GALNT13: variants seen among roughly 807,000 people sequenced by gnomAD.
The protein encoded by GALNT13 is polypeptide N-acetylgalactosaminyltransferase 13.
A neutral mutation model predicts 64.2 loss-of-function variants in GALNT13; 28 were observed. That is an observed-to-expected ratio of 0.44 (90% CI 0.32 to 0.60). GALNT13 has a LOEUF of 0.60. GALNT13 is among the 20% of genes least tolerant of loss of function. GALNT13 has a pLI of 0.05. For missense variants in GALNT13, 577 were observed against 669.8 expected (o/e 0.86, Z 1.53); for synonymous variants, 214 against 224.6 (o/e 0.95, Z 0.42).
intron 3 of GALNT13, among the ~76,000 whole-genome samples, chr2:153,985,257 C>T (rs1157708212): frequency 1.3e-5 from 2 of 152,094 alleles, no homozygotes; most frequent in African/African-American, 4.8e-5. Flanking sequence ...AAGAAAAAGA[C>T]CCTTACATCC....
chr2:153,407,919 A>G, the GALNT13 span, among the ~76,000 whole-genome samples: 2 of 152,162 alleles, frequency 1.3e-5, no homozygotes, highest in Non-Finnish European at 2.9e-5. Flanking sequence ...TACTCATACC[A>G]CAAGAATGGA....
intron 4 of GALNT13, among the ~76,000 whole-genome samples, chr2:154,162,951 C>CT (rs932377985): frequency 4.1e-5 from 6 of 147,692 alleles, no homozygotes; most frequent in Admixed American, 6.7e-5. Context: ...AACCCACATT[C>CT]TTTTTTTTTA....
chr2:153,675,555 G>C, the GALNT13 span, among the ~76,000 whole-genome samples: 5 of 152,102 alleles, frequency 3.3e-5, no homozygotes, highest in African/African-American at 1.2e-4. Context: ...CAGGTGGGGG[G>C]CTGGGGGAGG....
chr2:154,300,338 C>T (rs1007402682), intron 8 of GALNT13, among the ~76,000 whole-genome samples: 1 of 151,794 alleles, frequency 6.6e-6, no homozygotes, highest in Admixed American at 6.6e-5. Context: ...CCTGACCTCA[C>T]ATGATCTGCC....
intron 4 of GALNT13, among the ~76,000 whole-genome samples, chr2:154,153,528 C>T (rs535374209): frequency 4.6e-4 from 70 of 152,228 alleles, no homozygotes; most frequent in Non-Finnish European, 7.1e-4. Context: ...TGCCCAGCCC[C>T]CAGAGGTGGA....
chr2:153,739,585 T>TCA, the GALNT13 span, among the ~76,000 whole-genome samples: 30 of 119,466 alleles, frequency 2.5e-4, no homozygotes, highest in East Asian at 1.6e-3. Context: ...TATTCATTAT[T>TCA]TTATTTATTT....
At chr2:154,443,318 C>T (rs1416135825) in intron 12 of GALNT13, among the ~76,000 whole-genome samples, 1 of 152,038 alleles carries the variant, frequency 6.6e-6, no homozygotes. Context: ...TTCTGTTCGA[C>T]TGAATGCGTA....
the GALNT13 span, among the ~76,000 whole-genome samples, chr2:153,260,690 A>G: frequency 6.6e-6 from 1 of 152,088 alleles, no homozygotes; most frequent in Admixed American, 6.5e-5. Flanking sequence ...TTTGGGTTGA[A>G]TGTGCTTGGT....
chr2:154,111,261 C>T (rs188174463), intron 3 of GALNT13, among the ~76,000 whole-genome samples: 4 of 152,166 alleles, frequency 2.6e-5, no homozygotes, highest in African/African-American at 9.7e-5. Context: ...GGGTCTGGGA[C>T]ATTTGTAGTC....
intron 9 of GALNT13, among the ~76,000 whole-genome samples, chr2:154,363,863 G>T (rs1222252710): frequency 6.6e-6 from 1 of 152,140 alleles, no homozygotes; most frequent in Non-Finnish European, 1.5e-5. Context: ...TTTGAGAACT[G>T]CCTAGTGGGT....
chr2:154,065,598 C>A (rs749709706), intron 3 of GALNT13, among the ~76,000 whole-genome samples: 3 of 152,150 alleles, frequency 2.0e-5, no homozygotes, highest in Non-Finnish European at 4.4e-5. Context: ...TCTTTTGGAT[C>A]TTATGCAGTA....
intron 4 of GALNT13, among the ~76,000 whole-genome samples, chr2:154,237,415 G>T (rs1689249624): frequency 6.6e-6 from 1 of 151,008 alleles, no homozygotes; most frequent in Non-Finnish European, 1.5e-5. Flanking sequence ...TTTGTTTTAA[G>T]TACTTATCCC....
chr2:153,909,706 C>G (rs76305325), intron 2 of GALNT13, among the ~76,000 whole-genome samples: 1 of 151,818 alleles, frequency 6.6e-6, no homozygotes, highest in African/African-American at 2.4e-5. Context: ...TGACTTTTAC[C>G]TCTGTTTTTG....
chr2:153,133,738 A>C, the GALNT13 span, among the ~76,000 whole-genome samples: 2 of 152,128 alleles, frequency 1.3e-5, no homozygotes, highest in Non-Finnish European at 2.9e-5. Flanking sequence ...ACACAATTTC[A>C]GTCCCTAATA....
chr2:153,785,919 A>C, the GALNT13 span, among the ~76,000 whole-genome samples: 1 of 151,806 alleles, frequency 6.6e-6, no homozygotes, highest in Non-Finnish European at 1.5e-5. Flanking sequence ...CCTCACAGAA[A>C]AGTGGTCAGA....
chr2:154,042,376 A>T (rs1432540381), intron 3 of GALNT13, among the ~76,000 whole-genome samples: 1 of 130,286 alleles, frequency 7.7e-6, no homozygotes, highest in African/African-American at 2.5e-5. Flanking sequence ...CCCTACTTTC[A>T]AAGAAATACC....
chr2:153,497,757 C>T, the GALNT13 span, among the ~76,000 whole-genome samples: 1 of 151,650 alleles, frequency 6.6e-6, no homozygotes, highest in African/African-American at 2.4e-5. Context: ...AGGCTGGTCT[C>T]GAACTCCTGA....
At chr2:153,540,435 A>C in the GALNT13 span, among the ~76,000 whole-genome samples, 15 of 152,224 alleles carry the variant, frequency 9.9e-5, no homozygotes, top group African/African-American at 3.1e-4. Flanking sequence ...AGGGCAATGA[A>C]GAGGGGAAAT....
the GALNT13 span, among the ~76,000 whole-genome samples, chr2:153,813,960 A>G: frequency 6.6e-6 from 1 of 152,166 alleles, no homozygotes; most frequent in African/African-American, 2.4e-5. Flanking sequence ...TCCCTGATGT[A>G]GTCTGTCTCT....
Sources: gnomAD v4.1 joint callset for allele counts (sites outside exome capture counted in the v4.1 genomes callset) on GRCh38, gnomAD v4.1.1 for gene constraint, MANE v1.5 for transcripts, NCBI Gene and HGNC (gene_info 2026-07-23, HGNC 2026-07-21) for gene names.